Variants in SRCIN1 observed in about 807,000 individuals in gnomAD.
The protein encoded by SRCIN1 is P130Cas-associated protein.
Under a neutral mutation model 116.2 loss-of-function variants are expected in SRCIN1, and 50 were observed. The observed-to-expected ratio is 0.43, with a 90% CI of 0.34 to 0.54. The LOEUF is 0.54. SRCIN1 is among the 20% of genes least tolerant of loss of function. The pLI is 0.02. For synonymous variants in SRCIN1, 736 were observed against 750.0 expected, an observed-to-expected ratio of 0.98 and a Z score of 0.30; for missense variants, 1,446 against 1,672.0, an observed-to-expected ratio of 0.86 and a Z score of 2.36.
chr17:38,562,206 C>A lies in SRCIN1; in HGVS notation c.957G>T (p.Gly319=). 1 of 1,425,692 alleles carries A rather than the reference C, an allele frequency of 7.0e-7. No individual in the cohort carries two copies. Among genetic ancestry groups the A allele is most frequent in the Middle Eastern group, 2.0e-4 (1 of 4,950 alleles). The allele number at this position is 1,425,692 out of a possible 1,614,324, so 88.3% of individuals were successfully genotyped here. The change falls in exon 7 of 19, where the codon GGG becomes GGT. Residue 319 remains glycine (G), a synonymous_variant. Coordinates refer to ENST00000617146, the MANE Select transcript of SRCIN1 (RefSeq NM_025248.3). The surrounding 1 kb of genome is among the most constrained non-coding windows in gnomAD (Gnocchi z 4.2). ...AACGCGACGGCGAACCGGACTGCAG[C>A]CCGGACGGCAGCCCCGACGGCAGCC... ...PPGLPSGLPS[G]LQSGSPSRSR...
rs377229378 is a variant in SRCIN1 at position 38,536,691 on chromosome 17, C to T, written c.3418-3260G>A. ...CCCATGCCCTCCTTCCTTGCTAAGCCCTGCCTGGGTCAGGTATTGAACCAT... is the reference window on the plus strand; with the variant it reads ...CCCATGCCCTCCTTCCTTGCTAAGCTCTGCCTGGGTCAGGTATTGAACCAT... On this transcript the variant is annotated intron_variant, in intron 18 of 18. Transcript: ENST00000617146. Among the ~76,000 whole-genome samples, 37 of 152,356 alleles carry T rather than the reference C, an allele frequency of 2.4e-4. No individual in the cohort carries two copies. The South Asian group carries it at 7.7e-3, about 32-fold the overall frequency.
chr17:38,606,109 G>T (rs1246868834), upstream of SRCIN1, among the ~76,000 whole-genome samples: 1 of 150,616 alleles, frequency 6.6e-6, no homozygotes, highest in Non-Finnish European at 1.5e-5. The surrounding 1 kb of genome is among the most constrained non-coding windows in gnomAD (Gnocchi z 5.2). Flanking sequence ...CAGCTTCACC[G>T]CGTGATCCCG....
At position 38,558,566 on chromosome 17, in the gene SRCIN1, G is replaced by A. The variant is rs1182907320; in HGVS notation, c.2026-164C>T. On this transcript the variant is annotated intron_variant, in intron 10 of 18. Transcript: ENST00000617146. This position sits in a 1 kb window ranked among gnomAD's most constrained non-coding sequence, Gnocchi z 4.6. The stretch of plus-strand genomic sequence containing the variant: ...CAGGCAGCAGCGAAGGGGTGGGATG[G>A]CGAAGGGCAGGGGCGGGATGGCGAA... Among the ~76,000 whole-genome samples, 1 of 151,930 alleles carries A rather than the reference G, an allele frequency of 6.6e-6. No homozygotes were observed. The highest frequency in any genetic ancestry group is 1.5e-5 in the Non-Finnish European group (1 of 67,952).
At chr17:38,551,771 C>T in intron 14 of SRCIN1, 115 bp downstream of exon 14, 6 of 1,567,362 alleles carry the variant, frequency 3.8e-6, no homozygotes, top group Non-Finnish European at 5.2e-6. Context: ...GGCACTGGCC[C>T]TCCTCCCCCA....
chr17:38,541,338 T>C (rs1341909745), intron 18 of SRCIN1: 1 of 152,084 alleles, frequency 6.6e-6, no homozygotes, highest in African/African-American at 2.4e-5. Flanking sequence ...TAAGAAAGGC[T>C]ACTGGAGCAC....
rs1906456103 is a variant in SRCIN1 at position 38,563,687 on chromosome 17, CG to C, written c.542-167del. 3 of 996,074 alleles carry C rather than the reference CG, an allele frequency of 3.0e-6. No homozygotes were observed. The highest frequency in any genetic ancestry group is 3.2e-5 in the African/African-American group (2 of 62,702). The allele number at this position is 996,074 out of a possible 1,614,324, so 61.7% of individuals were successfully genotyped here. ...ACCCAGGCACCTCTCATGCTGCCGG[CG>C]GGGGCGCCAGGCCGGCTCTCCAGCC... is the stretch of plus-strand genomic sequence containing the variant. On this transcript the variant is annotated intron_variant, in intron 4 of 18. Coordinates refer to ENST00000617146, the MANE Select transcript of SRCIN1 (RefSeq NM_025248.3). The surrounding 1 kb of genome is among the most constrained non-coding windows in gnomAD (Gnocchi z 5.8).
chr17:38,598,934 C>T (rs974041954), intron 1 of SRCIN1, among the ~76,000 whole-genome samples: 15 of 152,084 alleles, frequency 9.9e-5, no homozygotes, highest in African/African-American at 3.6e-4. Context: ...GCTGGGAGGG[C>T]AGATGTAGGC....
chr17:38,584,525 GGGCGCCCCCCAGT>G (rs1360260946), intron 1 of SRCIN1, among the ~76,000 whole-genome samples: 82 of 152,210 alleles, frequency 5.4e-4, no homozygotes, highest in Admixed American at 1.3e-3. Flanking sequence ...GGGAAGTGGC[GGGCGCCCCCCAGT>G]GGCCGGCTAG....
rs1451831601 is a variant in SRCIN1, at chr17:38,536,899, G to GT, written c.3418-3469dup. ...TTCTCCAGCTTCTAAAAACAGCTGT[G>GT]TGAGGCCGGGCTCATGCCTGTAATC... On this transcript the variant is annotated intron_variant, in intron 18 of 18. Coordinates refer to ENST00000617146, the MANE Select transcript of SRCIN1 (RefSeq NM_025248.3). Among the ~76,000 whole-genome samples, 12 of 152,358 alleles carry GT rather than the reference G, an allele frequency of 7.9e-5. No homozygotes were observed. In the South Asian group the frequency reaches 1.9e-3, roughly 24 times the overall value.
chr17:38,534,031 GC>G (rs1798953460), intron 18 of SRCIN1, among the ~76,000 whole-genome samples: 1 of 152,076 alleles, frequency 6.6e-6, no homozygotes, highest in Non-Finnish European at 1.5e-5. Flanking sequence ...CCAGCCTCCC[GC>G]CCAGTGCAGG....
At chr17:38,601,660 G>GCGCACACA (rs1909037510) in intron 1 of SRCIN1, among the ~76,000 whole-genome samples, 1 of 143,304 alleles carries the variant, frequency 7.0e-6, no homozygotes, top group Non-Finnish European at 1.5e-5. Flanking sequence ...ACACGCTCGC[G>GCGCACACA]CGCACACACA....
chr17:38,581,516 C>T, intron 1 of SRCIN1, among the ~76,000 whole-genome samples: 1 of 149,918 alleles, frequency 6.7e-6, no homozygotes, highest in East Asian at 1.9e-4. Context: ...TAGAAAAAGC[C>T]CCAATTAGAA....
rs559318114 is a variant in SRCIN1, at chr17:38,585,433, G to A, written c.23-6642C>T. Among the ~76,000 whole-genome samples, 1 of 152,216 alleles carries A rather than the reference G, an allele frequency of 6.6e-6. No homozygotes were observed. The highest frequency in any genetic ancestry group is 6.5e-5 in the Admixed American group (1 of 15,278). On this transcript the variant is annotated intron_variant, in intron 1 of 18. Coordinates refer to ENST00000617146, the MANE Select transcript of SRCIN1 (RefSeq NM_025248.3). The surrounding 1 kb of genome is among the most constrained non-coding windows in gnomAD (Gnocchi z 4.2). ...GCTGCAGTCGGGAAGCACACGGTGT[G>A]CTTGGAGGTTGGAGGCCAGAGGACA...
chr17:38,601,679 C>G (rs977836088), intron 1 of SRCIN1, among the ~76,000 whole-genome samples: 1 of 152,038 alleles, frequency 6.6e-6, no homozygotes, highest in African/African-American at 2.4e-5. Context: ...CACACACACA[C>G]ACATCGCTAA....
Position 38,552,840 on chromosome 17 carries a change from C to A in SRCIN1, c.2217G>T (p.Ser739=). 1.9e-6 allele frequency: 3 copies of A among 1,613,946 alleles called. No homozygotes were observed. The highest frequency in any genetic ancestry group is 2.5e-6 in the Non-Finnish European group (3 of 1,179,866). The change falls in exon 12 of 19, where the codon TCG becomes TCT. Residue 739 remains serine, a synonymous_variant. Transcript: ENST00000617146. This position sits in a 1 kb window ranked among gnomAD's most constrained non-coding sequence, Gnocchi z 5.3. Reference sequence around the variant, plus strand: ...ACACGTCTCTCTGGATCTTCTCCACCGATTTCTCCAGGTCACTGCAGCCAC... The same window carrying A: ...ACACGTCTCTCTGGATCTTCTCCACAGATTTCTCCAGGTCACTGCAGCCAC... ...ITQQLNDLEK[S]VEKIQRDVSH... is the part of the protein sequence containing the mutation.
At chr17:38,567,565 C>T (rs1310152159) in intron 3 of SRCIN1, among the ~76,000 whole-genome samples, 2 of 152,082 alleles carry the variant, frequency 1.3e-5, no homozygotes, top group African/African-American at 4.8e-5. Context: ...GCCAGAGACT[C>T]CAGGAGGCAA....
intron 18 of SRCIN1, among the ~76,000 whole-genome samples, chr17:38,535,795 A>G (rs1238690408): frequency 6.6e-6 from 1 of 152,070 alleles, no homozygotes; most frequent in African/African-American, 2.4e-5. Context: ...GGTGAGAGGG[A>G]AGCACTGCCC....
chr17:38,601,376 C>T (rs946414812), intron 1 of SRCIN1, among the ~76,000 whole-genome samples: 1 of 152,132 alleles, frequency 6.6e-6, no homozygotes, highest in Non-Finnish European at 1.5e-5. Flanking sequence ...TGAGAGGCTT[C>T]TTGGATGCCT....
At chr17:38,550,769 C>G (rs1398121700) in intron 15 of SRCIN1, among the ~76,000 whole-genome samples, 1 of 152,234 alleles carries the variant, frequency 6.6e-6, no homozygotes, top group African/African-American at 2.4e-5. Flanking sequence ...CTGCCACTCC[C>G]GGGACCGTGA....
Sources: allele counts gnomAD v4.1 joint callset (sites outside exome capture counted in the v4.1 genomes callset), GRCh38; gene constraint gnomAD v4.1.1; non-coding constraint Gnocchi (gnomAD v3.1); transcripts MANE v1.5; gene names NCBI Gene and HGNC (gene_info 2026-07-23, HGNC 2026-07-21).